The following CLOCK variants were observed in gnomAD, a reference collection of about 807,000 sequenced individuals.
The protein encoded by CLOCK is circadian locomoter output cycles protein kaput.
CLOCK carries 43 observed loss-of-function variants against 118.4 expected under a neutral mutation model. The ratio of observed to expected loss-of-function variants is 0.36; its 90% CI spans 0.28 to 0.47. CLOCK has a LOEUF of 0.47. CLOCK is among the 20% of genes least tolerant of loss of function. CLOCK has a pLI of 1.00. For missense variants in CLOCK, 846 were observed against 999.9 expected, an observed-to-expected ratio of 0.85 and a Z score of 2.08; for synonymous variants, 326 against 339.2, an observed-to-expected ratio of 0.96 and a Z score of 0.43.
At chr4:55,519,727 G>A (rs531393417) in intron 1 of CLOCK, among the ~76,000 whole-genome samples, 31 of 152,180 alleles carry the variant, frequency 2.0e-4, no homozygotes, top group Non-Finnish European at 4.0e-4. Context: ...GCAGTGAGCC[G>A]AGATTGGCCA....
At chr4:55,446,108 T>C (rs1478544632) in intron 18 of CLOCK, among the ~76,000 whole-genome samples, 3 of 149,760 alleles carry the variant, frequency 2.0e-5, no homozygotes, top group Admixed American at 6.6e-5. Context: ...CTTCTTTTTT[T>C]TTTTTTTTTT....
At chr4:55,527,938 T>TAAA (rs1730310659) in intron 1 of CLOCK, among the ~76,000 whole-genome samples, 1 of 151,786 alleles carries the variant, frequency 6.6e-6, no homozygotes, top group Non-Finnish European at 1.5e-5. Flanking sequence ...TCAGTACTTT[T>TAAA]GGAAGACCAC....
At chr4:55,540,233 C>A (rs1214180892) in intron 1 of CLOCK, among the ~76,000 whole-genome samples, 1 of 152,010 alleles carries the variant, frequency 6.6e-6, no homozygotes, top group Admixed American at 6.6e-5. Context: ...GTCTCAAACT[C>A]CTGACCTCAA....
At chr4:55,490,329 T>A in intron 2 of CLOCK, among the ~76,000 whole-genome samples, 1 of 152,084 alleles carries the variant, frequency 6.6e-6, no homozygotes, top group Middle Eastern at 3.4e-3. Flanking sequence ...TATAAATATA[T>A]ATATATATAC....
chr4:55,536,018 A>C (rs1004562840), intron 1 of CLOCK, among the ~76,000 whole-genome samples: 1 of 152,258 alleles, frequency 6.6e-6, no homozygotes, highest in East Asian at 1.9e-4. Flanking sequence ...TGGAATAACA[A>C]CACTAGGAGA....
chr4:55,500,507 T>C (rs528435863), intron 2 of CLOCK, among the ~76,000 whole-genome samples: 39 of 151,926 alleles, frequency 2.6e-4, no homozygotes, highest in African/African-American at 8.9e-4. Flanking sequence ...TCATGCCCTA[T>C]TGATTTTTAA....
chr4:55,439,858 A>G (rs1297567509), intron 21 of CLOCK, among the ~76,000 whole-genome samples: 2 of 152,074 alleles, frequency 1.3e-5, no homozygotes. Flanking sequence ...AAGAATGGGG[A>G]CTTGTATAAT....
intron 1 of CLOCK, among the ~76,000 whole-genome samples, chr4:55,526,662 C>T (rs1227298088): frequency 4.6e-5 from 7 of 151,808 alleles, no homozygotes; most frequent in Non-Finnish European, 8.8e-5. Context: ...AAAAAAAAAG[C>T]TCTAGGCCGG....
chr4:55,454,464 A>C (rs1380313766), intron 13 of CLOCK, among the ~76,000 whole-genome samples: 1 of 151,688 alleles, frequency 6.6e-6, no homozygotes, highest in African/African-American at 2.4e-5. Flanking sequence ...AAAATACAAA[A>C]ATTAGCCAGG....
chr4:55,444,331 G>A (rs976377310), intron 19 of CLOCK, among the ~76,000 whole-genome samples: 4 of 152,034 alleles, frequency 2.6e-5, no homozygotes, highest in African/African-American at 9.7e-5. Flanking sequence ...CTGTACCCAA[G>A]ATGTACCTAA....
At chr4:55,525,690 G>A (rs961349636) in intron 1 of CLOCK, among the ~76,000 whole-genome samples, 1 of 141,748 alleles carries the variant, frequency 7.1e-6, no homozygotes, top group Admixed American at 6.9e-5. Flanking sequence ...GGCTGGTCTC[G>A]AACTCTTGGC....
At chr4:55,470,425 CA>C (rs1726053724) in intron 8 of CLOCK, among the ~76,000 whole-genome samples, 1 of 152,158 alleles carries the variant, frequency 6.6e-6, no homozygotes, top group African/African-American at 2.4e-5. Context: ...TAGTAGGTTA[CA>C]CATCGAGGTT....
intron 1 of CLOCK, among the ~76,000 whole-genome samples, chr4:55,523,679 C>T (rs374117404): frequency 6.6e-6 from 1 of 152,072 alleles, no homozygotes; most frequent in Non-Finnish European, 1.5e-5. Context: ...TCTCTAATAC[C>T]TCTCCAGATA....
intron 7 of CLOCK, among the ~76,000 whole-genome samples, chr4:55,471,216 A>G (rs962551587): frequency 7.2e-5 from 11 of 152,264 alleles, no homozygotes; most frequent in African/African-American, 2.7e-4. Context: ...ATGTTAACAC[A>G]GAGGTGTACA....
intron 3 of CLOCK, among the ~76,000 whole-genome samples, chr4:55,487,378 A>G (rs1367737630): frequency 6.6e-6 from 1 of 152,206 alleles, no homozygotes; most frequent in East Asian, 1.9e-4. Flanking sequence ...CTGTAGGGCT[A>G]TCAGGTTGAA....
At chr4:55,507,960 T>C (rs1435491687) in intron 2 of CLOCK, among the ~76,000 whole-genome samples, 1 of 152,198 alleles carries the variant, frequency 6.6e-6, no homozygotes, top group Non-Finnish European at 1.5e-5. Context: ...TAGTTTTCCC[T>C]AATTTGGAAA....
At chr4:55,445,413 T>C (rs1437656712) in intron 18 of CLOCK, among the ~76,000 whole-genome samples, 1 of 151,888 alleles carries the variant, frequency 6.6e-6, no homozygotes, top group South Asian at 2.1e-4. Flanking sequence ...TTCTCTATTA[T>C]CCAGTTGCTA....
chr4:55,534,047 G>GT (rs1730723649), intron 1 of CLOCK, among the ~76,000 whole-genome samples: 1 of 152,148 alleles, frequency 6.6e-6, no homozygotes, highest in Non-Finnish European at 1.5e-5. Flanking sequence ...AAACATTAAT[G>GT]TATAAAGAAC....
chr4:55,472,740 C>G (rs943934587), intron 7 of CLOCK, among the ~76,000 whole-genome samples: 2 of 151,812 alleles, frequency 1.3e-5, no homozygotes, highest in Non-Finnish European at 2.9e-5. Context: ...CTTGTCCCCC[C>G]CCTTCTTTTG....
Sources: gnomAD v4.1 joint callset for allele counts (sites outside exome capture counted in the v4.1 genomes callset) on GRCh38, gnomAD v4.1.1 for gene constraint, MANE v1.5 for transcripts, NCBI Gene and HGNC (gene_info 2026-07-23, HGNC 2026-07-21) for gene names.